The following BLOC1S3 variants were observed in gnomAD, a reference collection of about 807,000 sequenced individuals.
BLOC1S3 encodes biogenesis of lysosome-related organelles complex 1 subunit 3.
In BLOC1S3, 7 loss-of-function variants were observed where a neutral mutation model predicts 9.1. That is an observed-to-expected ratio of 0.77 (90% confidence interval 0.44 to 1.45). The LOEUF is 1.45. BLOC1S3 is among the 40% of genes most tolerant of loss of function. The pLI is 0.01. For missense variants in BLOC1S3, 307 were observed against 315.2 expected (o/e 0.97, Z 0.20); for synonymous variants, 145 against 158.4 (o/e 0.92, Z 0.64).
At chr19:45,214,887 G>A (rs577380257) in intron 3 of BLOC1S3, among the ~76,000 whole-genome samples, 1 of 152,192 alleles carries the variant, frequency 6.6e-6, no homozygotes, top group East Asian at 1.9e-4. Context: ...CAAGCGCAGT[G>A]GCTCACGCCT....
chr19:45,185,946 T>A (rs2122896726), downstream of BLOC1S3, among the ~76,000 whole-genome samples: 1 of 152,050 alleles, frequency 6.6e-6, no homozygotes, highest in Non-Finnish European at 1.5e-5. Flanking sequence ...CCCCCGTCTC[T>A]ACTGACAATA....
intron 3 of BLOC1S3, among the ~76,000 whole-genome samples, chr19:45,206,450 G>GTTTTTTTTTTTTTGTT (rs1969726612): frequency 3.6e-5 from 2 of 55,146 alleles, no homozygotes; most frequent in African/African-American, 9.4e-5. Context: ...GATTAATCAA[G>GTTTTTTTTTTTTTGTT]TTTTTTTTTT....
intron 3 of BLOC1S3, among the ~76,000 whole-genome samples, chr19:45,208,944 A>G (rs1341698683): frequency 6.6e-6 from 1 of 152,184 alleles, no homozygotes; most frequent in Non-Finnish European, 1.5e-5. Context: ...ATTAGAAAAG[A>G]GGAAAAGGAG....
intron 2 of BLOC1S3, among the ~76,000 whole-genome samples, chr19:45,201,108 C>T (rs1158244387): frequency 2.7e-5 from 4 of 150,892 alleles, no homozygotes; most frequent in Non-Finnish European, 4.4e-5. Context: ...GAGGCTGAGG[C>T]GGGAGAATCA....
In BLOC1S3 at chr19:45,194,468, C is replaced by G. The variant is rs139772610; in HGVS notation, n.180+6728C>G. ...AAAAACAGACTAATACACCCGCGAT[C>G]GTTCCATTTATTTCCCTCTTGTTTA... On this transcript the variant is annotated intron_variant and non_coding_transcript_variant, in intron 2 of 3. Coordinates refer to the BLOC1S3 transcript ENST00000591569. 4.9e-3 allele frequency among the ~76,000 whole-genome samples: 748 copies of G among 152,216 alleles called. 7 individuals carry two copies. Among genetic ancestry groups the G allele is most frequent in the African/African-American group, 0.016 (684 of 41,532 alleles).
Position 45,192,943 on chromosome 19 carries a change from G to A in BLOC1S3, n.180+5203G>A, listed in dbSNP as rs1969617178. ...GAGGTCAGGAGTTCGAGACCAGCCT[G>A]ACCAACACGGTGAAACCCCGTGTCT... On this transcript the variant is annotated intron_variant and non_coding_transcript_variant, in intron 2 of 3. Coordinates refer to the BLOC1S3 transcript ENST00000591569. Among the ~76,000 whole-genome samples the A allele has an allele frequency of 5.3e-5, 8 of 152,048 alleles. No homozygotes were observed. The South Asian group carries it at 1.7e-3, about 32-fold the overall frequency.
At chr19:45,186,627 C>T (rs907728665), downstream of BLOC1S3, among the ~76,000 whole-genome samples, 1 of 152,212 alleles carries the variant, frequency 6.6e-6, no homozygotes. Context: ...ATCACTTGAA[C>T]CTGGGACGTG....
Position 45,179,618 on chromosome 19 carries a change from C to T in BLOC1S3, c.322C>T (p.Leu108Phe). Residue 108 changes from leucine (L) to phenylalanine (F), a missense_variant, in exon 2 of 2, where the codon CTC becomes TTC. Coordinates refer to ENST00000433642, the MANE Select transcript of BLOC1S3 (RefSeq NM_212550.5). The surrounding 1 kb of genome is among the most constrained non-coding windows in gnomAD (Gnocchi z 4.6). ...CCCGGCGCCCGCCCCCGCGCGCTCG[C>T]TCCTGCAACTTCGGCTGGCGGAGAG... ...EAPAPAPARSLLQLRLAESQA... is the reference protein window; with the variant it reads ...EAPAPAPARSFLQLRLAESQA... 6.8e-7 allele frequency: 1 copy of T among 1,475,104 alleles called. No homozygotes were observed. The highest frequency in any genetic ancestry group is 8.9e-7 in the Non-Finnish European group (1 of 1,119,928). 91.4% of individuals were successfully genotyped at this position (1,475,104 alleles called of 1,614,324 possible). A position where few individuals can be genotyped will look rare whatever the true frequency, so the allele number is the denominator to read the frequency against.
intron 3 of BLOC1S3, among the ~76,000 whole-genome samples, chr19:45,212,244 C>T (rs1969780697): frequency 2.0e-5 from 3 of 152,228 alleles, no homozygotes; most frequent in Admixed American, 1.3e-4. Flanking sequence ...CAGCCTCCCT[C>T]TACCTCCACT....
At chr19:45,206,462 T>TTTTTTTTGTTTTG (rs1555754638) in intron 3 of BLOC1S3, among the ~76,000 whole-genome samples, 25 of 115,506 alleles carry the variant, frequency 2.2e-4, no homozygotes, top group East Asian at 1.0e-3. Context: ...TTTTTTTTTT[T>TTTTTTTTGTTTTG]TTTTTTTTTT....
intron 2 of BLOC1S3, among the ~76,000 whole-genome samples, chr19:45,193,902 A>T (rs1331791673): frequency 8.2e-6 from 1 of 122,668 alleles, no homozygotes; most frequent in Non-Finnish European, 1.7e-5. Context: ...TCCCAGGTTC[A>T]TGCCATTCTC....
downstream of BLOC1S3, among the ~76,000 whole-genome samples, chr19:45,186,306 G>C (rs138504000): frequency 1.4e-4 from 21 of 152,248 alleles, no homozygotes; most frequent in East Asian, 3.9e-3. Flanking sequence ...TTGTCACTGA[G>C]AATAAAAGCC....
At chr19:45,189,113 C>A (rs537842520) in intron 2 of BLOC1S3, among the ~76,000 whole-genome samples, 1 of 151,794 alleles carries the variant, frequency 6.6e-6, no homozygotes, top group South Asian at 2.1e-4. Flanking sequence ...CCCGGCTGTT[C>A]TTTCTAATTA....
At chr19:45,215,269 G>A (rs977268177) in intron 3 of BLOC1S3, among the ~76,000 whole-genome samples, 6 of 152,072 alleles carry the variant, frequency 3.9e-5, no homozygotes, top group African/African-American at 9.7e-5. Context: ...CCAGAAGTTC[G>A]AGACCAGCCT....
intron 3 of BLOC1S3, chr19:45,212,949 A>C: frequency 8.5e-7 from 1 of 1,178,804 alleles, no homozygotes; most frequent in Non-Finnish European, 1.1e-6. Context: ...AAAGACATCT[A>C]AGGGTCTTTC....
At position 45,213,332 on chromosome 19, in the gene BLOC1S3, C is replaced by T. The variant is rs756258972; in HGVS notation, n.283-3344C>T. ...GCTGTGTTGCGCAGGCCACGGATGT[C>T]GAGGAGGGCTGCCACGTGCTTCTGC... On this transcript the variant is annotated intron_variant and non_coding_transcript_variant, in intron 3 of 3. Coordinates refer to the BLOC1S3 transcript ENST00000591569. 37 of 1,613,314 alleles carry T rather than the reference C, an allele frequency of 2.3e-5. No individual in the cohort carries two copies. Among genetic ancestry groups the T allele is most frequent in the Middle Eastern group, 1.6e-4 (1 of 6,080 alleles).
downstream of BLOC1S3, among the ~76,000 whole-genome samples, chr19:45,183,138 T>C (rs1323454907): frequency 6.6e-6 from 1 of 151,086 alleles, no homozygotes; most frequent in East Asian, 1.9e-4. Context: ...GGCAGGGGGG[T>C]GCTGAGTGCA....
At position 45,213,742 on chromosome 19, in the gene BLOC1S3, C is replaced by T. The variant is rs547242327; in HGVS notation, n.283-2934C>T. Among the ~76,000 whole-genome samples, 65 of 151,554 alleles carry T rather than the reference C, an allele frequency of 4.3e-4. 1 individual carries two copies. The highest frequency in any genetic ancestry group is 1.6e-3 in the African/African-American group (65 of 41,262). ...GGCGGATCACCTGAGGTCAGGAGTT[C>T]GAGACCAGCCTGGCCAACATGGCGA... On this transcript the variant is annotated intron_variant and non_coding_transcript_variant, in intron 3 of 3. Transcript: ENST00000591569.
intron 3 of BLOC1S3, chr19:45,213,505 C>G: frequency 1.2e-6 from 1 of 853,982 alleles, no homozygotes; most frequent in Non-Finnish European, 1.8e-6. Flanking sequence ...GCCTTCCCTC[C>G]AATCAGCTCC....
Sources: gnomAD v4.1 joint callset for allele counts (sites outside exome capture counted in the v4.1 genomes callset) on GRCh38, gnomAD v4.1.1 for gene constraint, Gnocchi (gnomAD v3.1) non-coding constraint, MANE v1.5 for transcripts, NCBI Gene and HGNC (gene_info 2026-07-23, HGNC 2026-07-21) for gene names.